The following ANKRD13B variants were observed in gnomAD, a reference collection of about 807,000 sequenced individuals.
The protein encoded by ANKRD13B is ankyrin repeat domain 13B.
A neutral mutation model predicts 74.4 loss-of-function variants in ANKRD13B; 33 were observed. That is an observed-to-expected ratio of 0.44 (90% CI 0.34 to 0.59). The LOEUF (loss-of-function observed/expected upper bound fraction) is 0.59, where lower values mean the gene tolerates loss of function less well. Ranked by LOEUF, ANKRD13B falls within the 20% of genes least tolerant of loss-of-function variation. The probability of loss-of-function intolerance (pLI) is 0.02; values close to 1 mark genes in which losing one functional copy is unlikely to be tolerated. For synonymous variants in ANKRD13B, 341 were observed against 362.9 expected (o/e 0.94, Z 0.68); for missense variants, 676 against 877.9 (o/e 0.77, Z 2.91).
chr17:29,606,729 A>T (rs981775815), intron 1 of ANKRD13B, among the ~76,000 whole-genome samples: 9 of 25,710 alleles, frequency 3.5e-4, no homozygotes, highest in African/African-American at 2.5e-3. Flanking sequence ...TGTCTCAAGT[A>T]AAAAAAAAAA....
chr17:29,596,391 CG>C (rs1240310822), intron 1 of ANKRD13B, among the ~76,000 whole-genome samples: 1 of 152,168 alleles, frequency 6.6e-6, no homozygotes, highest in African/African-American at 2.4e-5. Context: ...TCTGCCAGGT[CG>C]GGGGGGACAG....
chr17:29,606,965 G>T (rs972167427), intron 1 of ANKRD13B, among the ~76,000 whole-genome samples: 2 of 151,832 alleles, frequency 1.3e-5, no homozygotes, highest in Non-Finnish European at 2.9e-5. Context: ...CAGGAGAATC[G>T]CTTGAACCTG....
Position 29,611,283 on chromosome 17 carries a change from G to A in ANKRD13B, c.905-296G>A, listed in dbSNP as rs750918021. On this transcript the variant is annotated intron_variant, in intron 8 of 14. Transcript: ENST00000394859. This position sits in a 1 kb window ranked among gnomAD's most constrained non-coding sequence, Gnocchi z 4.3. ...ACATGCACACCCCACAGTGCCTGCC[G>A]GGGCAGGCGTTTTACTGTCCAGGGT... Among the ~76,000 whole-genome samples the A allele has an allele frequency of 3.9e-5, 6 of 152,190 alleles. No homozygotes were observed. Among genetic ancestry groups the A allele is most frequent in the Non-Finnish European group, 5.9e-5 (4 of 68,028 alleles).
At position 29,613,650 on chromosome 17, in the gene ANKRD13B, C is replaced by T; in HGVS notation, c.*68C>T. 5.1e-6 allele frequency: 7 copies of T among 1,374,498 alleles called. No homozygotes were observed. The highest frequency in any genetic ancestry group is 6.6e-6 in the Non-Finnish European group (7 of 1,068,348). 85.1% of individuals were successfully genotyped at this position (1,374,498 alleles called of 1,614,324 possible). Reference sequence around the variant, plus strand: ...CCAGGGCCAGGAGCCAGACAAACCCCGGCCTGCGCGCCTGCAGAGCGGCGG... The same window carrying T: ...CCAGGGCCAGGAGCCAGACAAACCCTGGCCTGCGCGCCTGCAGAGCGGCGG... On this transcript the variant is annotated 3_prime_UTR_variant, in exon 15 of 15. Coordinates refer to ENST00000394859, the MANE Select transcript of ANKRD13B (RefSeq NM_152345.5).
intron 1 of ANKRD13B, among the ~76,000 whole-genome samples, chr17:29,607,244 T>C (rs1046500436): frequency 6.6e-6 from 1 of 152,240 alleles, no homozygotes; most frequent in Non-Finnish European, 1.5e-5. Flanking sequence ...TTCATTCCTG[T>C]CTGTGTATTA....
In ANKRD13B at chr17:29,613,517, C is replaced by A. The variant is rs1236284432; in HGVS notation, c.1816C>A (p.Arg606=). Residue 606 remains arginine (R), a synonymous_variant, in exon 15 of 15, where the codon CGG becomes AGG. Transcript: ENST00000394859. The part of the protein sequence containing the change: ...LSAQEQEERR[R]RARQEEEELE... Reference sequence around the variant, plus strand: ...GGCGCAGGAGCAGGAGGAGAGGCGGCGGCGCGCGCGCCAGGAGGAGGAGGA... The same window carrying A: ...GGCGCAGGAGCAGGAGGAGAGGCGGAGGCGCGCGCGCCAGGAGGAGGAGGA... The A allele has an allele frequency of 3.3e-6, 5 of 1,525,398 alleles. No individual in the cohort carries two copies. Among genetic ancestry groups the A allele is most frequent in the South Asian group, 2.5e-5 (2 of 81,486 alleles). The allele number at this position is 1,525,398 out of a possible 1,614,324, so 94.5% of individuals were successfully genotyped here.
chr17:29,606,911 G>T (rs537912883), intron 1 of ANKRD13B, among the ~76,000 whole-genome samples: 20 of 151,420 alleles, frequency 1.3e-4, no homozygotes, highest in African/African-American at 4.9e-4. Context: ...TTAGCCAGAC[G>T]TGTTGGCGAA....
At chr17:29,593,895 A>ATGGGTGCGGGCCCTGCCCGC in intron 1 of ANKRD13B, 160 bp downstream of exon 1, 3 of 315,504 alleles carry the variant, frequency 9.5e-6, no homozygotes, top group South Asian at 8.9e-5. Flanking sequence ...GGAAAGGGTG[A>ATGGGTGCGGGCCCTGCCCGC]TCCCCTCCGG....
Position 29,611,462 on chromosome 17 carries a change from G to C in ANKRD13B, c.905-117G>C. On this transcript the variant is annotated intron_variant, in intron 8 of 14. Coordinates refer to ENST00000394859, the MANE Select transcript of ANKRD13B (RefSeq NM_152345.5). This position sits in a 1 kb window ranked among gnomAD's most constrained non-coding sequence, Gnocchi z 4.3. ...GGTGCCTGAGTATGTGGTTGGGTGA[G>C]CAGGCCCCACCCCAGGAACCGGCCT... 1 of 1,055,920 alleles carries C rather than the reference G, an allele frequency of 9.5e-7. No individual in the cohort carries two copies. The highest frequency in any genetic ancestry group is 1.4e-6 in the Non-Finnish European group (1 of 693,992). The allele number at this position is 1,055,920 out of a possible 1,614,324, so 65.4% of individuals were successfully genotyped here.
chr17:29,612,949 T>A lies in ANKRD13B; in HGVS notation c.1638T>A (p.Gly546=). The A allele has an allele frequency of 6.3e-7, 1 of 1,597,588 alleles. No homozygotes were observed. The highest frequency in any genetic ancestry group is 8.5e-7 in the Non-Finnish European group (1 of 1,179,504). The change falls in exon 14 of 15, where the codon GGT becomes GGA. Residue 546 remains glycine (G), a synonymous_variant. Coordinates refer to ENST00000394859, the MANE Select transcript of ANKRD13B (RefSeq NM_152345.5). This position sits in a 1 kb window ranked among gnomAD's most constrained non-coding sequence, Gnocchi z 6.1. The part of the protein sequence containing the change: ...KPGTHPMSYE[G]RRQDRSAPPT... ...GCACCCACCCCATGTCCTACGAGGG[T>A]CGCCGACAGGACAGGTCAGTGCCCG...
chr17:29,608,810 C>G lies in ANKRD13B; in HGVS notation c.422-41C>G. On this transcript the variant is annotated intron_variant, in intron 4 of 14. Transcript: ENST00000394859. The surrounding 1 kb of genome is among the most constrained non-coding windows in gnomAD (Gnocchi z 6.4). ...CCTGAGCTGGTCCAGGCCGTGTAGG[C>G]CAGACCAGTCAAAGCCACCTCCAAC... The G allele has an allele frequency of 6.2e-7, 1 of 1,612,890 alleles. No homozygotes were observed. The highest frequency in any genetic ancestry group is 8.5e-7 in the Non-Finnish European group (1 of 1,179,424).
In ANKRD13B at chr17:29,608,376, AG is replaced by A. The variant is rs1233228694; in HGVS notation, c.421+137del. 9.0e-7 allele frequency: 1 copy of A among 1,111,486 alleles called. No homozygotes were observed. The highest frequency in any genetic ancestry group is 2.6e-5 in the East Asian group (1 of 39,012). The allele number at this position is 1,111,486 out of a possible 1,614,324, so 68.9% of individuals were successfully genotyped here. On this transcript the variant is annotated intron_variant, in intron 4 of 14. Transcript: ENST00000394859. The surrounding 1 kb of genome is among the most constrained non-coding windows in gnomAD (Gnocchi z 6.4). ...TAGCTCAGCTCAGGGCCACCGCCTC[AG>A]CTAGGCCTTTCCAGATTGCCCCAGA... is the stretch of plus-strand genomic sequence containing the variant.
chr17:29,611,588 C>T lies in ANKRD13B; in HGVS notation c.914C>T (p.Thr305Ile). The change falls in exon 9 of 15, where the codon ACA (threonine) becomes ATA (isoleucine). Residue 305 changes from threonine to isoleucine, a missense_variant. Thr to Ile is a moderately conservative substitution (Grantham distance 89). Coordinates refer to ENST00000394859, the MANE Select transcript of ANKRD13B (RefSeq NM_152345.5). This position sits in a 1 kb window ranked among gnomAD's most constrained non-coding sequence, Gnocchi z 4.3. ...QHKGKVKGCK[T>I]PLQSFLGIAE... ...GCCACATTTCTTGTAGGCTGTAAGACACCTTTGCAGTCCTTCCTGGGAATC... is the reference window on the plus strand; with the variant it reads ...GCCACATTTCTTGTAGGCTGTAAGATACCTTTGCAGTCCTTCCTGGGAATC... The T allele has an allele frequency of 6.2e-7, 1 of 1,614,182 alleles. No homozygotes were observed. Among genetic ancestry groups the T allele is most frequent in the Non-Finnish European group, 8.5e-7 (1 of 1,180,020 alleles).
intron 1 of ANKRD13B, among the ~76,000 whole-genome samples, chr17:29,596,330 C>G (rs866613680): frequency 7.2e-5 from 11 of 152,202 alleles, no homozygotes; most frequent in African/African-American, 2.4e-4. Context: ...AAGGGGCACC[C>G]AGCAGTGCTG....
intron 1 of ANKRD13B, among the ~76,000 whole-genome samples, chr17:29,604,684 G>T (rs2034305281): frequency 6.6e-6 from 1 of 151,896 alleles, no homozygotes; most frequent in Admixed American, 6.6e-5. Flanking sequence ...TGGGATTACA[G>T]GCACCCATCA....
At position 29,609,333 on chromosome 17, in the gene ANKRD13B, C is replaced by G; in HGVS notation, c.756-22C>G. On this transcript the variant is annotated intron_variant, in intron 6 of 14. Transcript: ENST00000394859. The surrounding 1 kb of genome is among the most constrained non-coding windows in gnomAD (Gnocchi z 4.0). ...CAGCCCGGTGGGGTGCCTGCCTCAC[C>G]TGGACCACTCTGCTTCCCCAGGAAC... is the stretch of plus-strand genomic sequence containing the variant. 1 of 1,613,464 alleles carries G rather than the reference C, an allele frequency of 6.2e-7. No homozygotes were observed. Among genetic ancestry groups the G allele is most frequent in the Non-Finnish European group, 8.5e-7 (1 of 1,179,948 alleles).
At chr17:29,600,394 G>A (rs1441289091) in intron 1 of ANKRD13B, among the ~76,000 whole-genome samples, 1 of 152,226 alleles carries the variant, frequency 6.6e-6, no homozygotes. Context: ...CTTCCTACTC[G>A]GGTAGATAGG....
rs916019219 is a variant in ANKRD13B, at chr17:29,610,909, GC to G, written c.904+145del. ...CAGGCCGATAGATTTCAATTCAGGT[GC>G]CAAGCCCTAAGGATGGGTAGTGGCT... On this transcript the variant is annotated intron_variant, in intron 8 of 14. Transcript: ENST00000394859. 4.8e-6 allele frequency: 4 copies of G among 834,096 alleles called. No homozygotes were observed. In the African/African-American group the frequency reaches 5.2e-5, roughly 11 times the overall value. The allele number at this position is 834,096 out of a possible 1,614,324, so 51.7% of individuals were successfully genotyped here. A position where few individuals can be genotyped will look rare whatever the true frequency, so the allele number is the denominator to read the frequency against.
rs2034734553 is a variant in ANKRD13B, at chr17:29,614,433, C to T, written c.*851C>T. 6.5e-6 allele frequency: 1 copy of T among 152,780 alleles called. No homozygotes were observed. Among genetic ancestry groups the T allele is most frequent in the Non-Finnish European group, 1.5e-5 (1 of 68,368 alleles). The allele number at this position is 152,780 out of a possible 1,614,324, so 9.5% of individuals were successfully genotyped here. ...CCCCACCCCTTCCCACCAGCTGCTG[C>T]TAGCCTCTGTGGTTGTACATCCCAC... On this transcript the variant is annotated 3_prime_UTR_variant, in exon 15 of 15. Coordinates refer to ENST00000394859, the MANE Select transcript of ANKRD13B (RefSeq NM_152345.5).
Sources: gnomAD v4.1 joint callset for allele counts (sites outside exome capture counted in the v4.1 genomes callset) on GRCh38, gnomAD v4.1.1 for gene constraint, Gnocchi (gnomAD v3.1) non-coding constraint, MANE v1.5 for transcripts, NCBI Gene and HGNC (gene_info 2026-07-23, HGNC 2026-07-21) for gene names.